Variants in RAB3C observed in about 807,000 individuals in gnomAD.
The protein encoded by RAB3C is ras-related protein Rab-3C.
RAB3C carries 17 observed loss-of-function variants against 26.4 expected under a neutral mutation model. That is an observed-to-expected ratio of 0.64 (90% CI 0.44 to 0.97). The LOEUF (loss-of-function observed/expected upper bound fraction) is 0.97, where lower values mean the gene tolerates loss of function less well. Ranked by LOEUF, RAB3C falls within the 50% of genes least tolerant of loss-of-function variation. The pLI, the probability that RAB3C is intolerant of heterozygous loss-of-function variation, is 0.00. For missense variants in RAB3C, 242 were observed against 281.9 expected (o/e 0.86, Z 1.01); for synonymous variants, 91 against 95.9 (o/e 0.95, Z 0.30).
chr5:58,717,413 C>G (rs917556142), intron 2 of RAB3C, among the ~76,000 whole-genome samples: 20 of 152,166 alleles, frequency 1.3e-4, no homozygotes, highest in Admixed American at 1.2e-3. Context: ...TCTTTCTTGG[C>G]TTCTTCAGTG....
At chr5:58,776,089 T>G (rs1050223049) in intron 3 of RAB3C, among the ~76,000 whole-genome samples, 2 of 152,116 alleles carry the variant, frequency 1.3e-5, no homozygotes, top group African/African-American at 4.8e-5. Flanking sequence ...TCCTTCCTGG[T>G]TCTCTCTGCA....
intron 3 of RAB3C, among the ~76,000 whole-genome samples, chr5:58,778,809 G>GT (rs1194804380): frequency 6.6e-6 from 1 of 152,034 alleles, no homozygotes; most frequent in African/African-American, 2.4e-5. Flanking sequence ...CATGTGCACT[G>GT]TATCTGACTG....
chr5:58,811,294 T>C (rs1323593312), intron 3 of RAB3C, among the ~76,000 whole-genome samples: 2 of 152,188 alleles, frequency 1.3e-5, no homozygotes, highest in Non-Finnish European at 2.9e-5. Context: ...ACAAAACCTC[T>C]TTGCTCTGGC....
chr5:58,685,156 A>G (rs1214845269), intron 2 of RAB3C, among the ~76,000 whole-genome samples: 1 of 152,190 alleles, frequency 6.6e-6, no homozygotes, highest in Non-Finnish European at 1.5e-5. Flanking sequence ...ATGACTGTCT[A>G]TATAGGGTTT....
At chr5:58,673,672 G>C (rs1256753028) in intron 2 of RAB3C, among the ~76,000 whole-genome samples, 1 of 152,178 alleles carries the variant, frequency 6.6e-6, no homozygotes, top group Non-Finnish European at 1.5e-5. Flanking sequence ...TGGTTGACGT[G>C]TGTGGTGTGA....
intron 1 of RAB3C, among the ~76,000 whole-genome samples, chr5:58,614,804 A>C (rs991797486): frequency 2.4e-4 from 36 of 152,234 alleles, no homozygotes; most frequent in African/African-American, 8.7e-4. Flanking sequence ...GTGTGGAGTG[A>C]ACTAATTGCA....
intron 2 of RAB3C, among the ~76,000 whole-genome samples, chr5:58,723,409 C>CA (rs1275101405): frequency 6.6e-6 from 1 of 151,794 alleles, no homozygotes; most frequent in African/African-American, 2.4e-5. Flanking sequence ...GTTGGCTTCA[C>CA]AAAAAATCAC....
At chr5:58,804,001 A>G (rs1742875265) in intron 3 of RAB3C, among the ~76,000 whole-genome samples, 1 of 151,908 alleles carries the variant, frequency 6.6e-6, no homozygotes. Context: ...CGGAGGTTGC[A>G]GTGAGCCGAG....
chr5:58,785,232 C>T (rs1742351808), intron 3 of RAB3C, among the ~76,000 whole-genome samples: 1 of 152,170 alleles, frequency 6.6e-6, no homozygotes, highest in Non-Finnish European at 1.5e-5. Flanking sequence ...ATTTTAAAAG[C>T]AACTGATGTG....
chr5:58,582,300 T>G, upstream of RAB3C: 7 of 575,980 alleles, frequency 1.2e-5, no homozygotes, highest in Non-Finnish European at 1.5e-5. Context: ...ACCCCTTCTA[T>G]TGTGTTGTGC....
intron 2 of RAB3C, among the ~76,000 whole-genome samples, chr5:58,636,664 G>A (rs1020300417): frequency 2.6e-5 from 4 of 152,100 alleles, no homozygotes; most frequent in Admixed American, 1.3e-4. Context: ...AACAAATAAA[G>A]AGGAACAAAA....
chr5:58,815,139 A>G (rs772879425), intron 3 of RAB3C, among the ~76,000 whole-genome samples: 5 of 152,148 alleles, frequency 3.3e-5, no homozygotes, highest in Non-Finnish European at 5.9e-5. Flanking sequence ...TCTACTTTAA[A>G]AGATAATCAA....
chr5:58,600,125 G>C (rs1292456210), intron 1 of RAB3C, among the ~76,000 whole-genome samples: 1 of 151,956 alleles, frequency 6.6e-6, no homozygotes, highest in Admixed American at 6.6e-5. Context: ...GTTTTTGTTT[G>C]CTTTGTCGAA....
rs200697627 is a variant in RAB3C at position 58,725,952 on chromosome 5, A to T, written c.253-50A>T. 70 of 1,109,144 alleles carry T rather than the reference A, an allele frequency of 6.3e-5. No homozygotes were observed. In the East Asian group the frequency reaches 1.8e-3, roughly 28 times the overall value. The allele number at this position is 1,109,144 out of a possible 1,614,324, so 68.7% of individuals were successfully genotyped here. A position where few individuals can be genotyped will look rare whatever the true frequency, so the allele number is the denominator to read the frequency against. On this transcript the variant is annotated intron_variant, in intron 2 of 4. Coordinates refer to ENST00000282878, the MANE Select transcript of RAB3C (RefSeq NM_138453.4). ...TTGGAATTATTAATCACTTCCCAAA[A>T]ATGTATTGCCTTATTTCTGAGAGAT...
intron 2 of RAB3C, among the ~76,000 whole-genome samples, chr5:58,633,948 C>T (rs565459118): frequency 7.3e-5 from 11 of 150,196 alleles, no homozygotes; most frequent in South Asian, 2.1e-4. Flanking sequence ...CTGGTTAACA[C>T]GGTGAAACCC....
chr5:58,600,303 A>T (rs1017074189), intron 1 of RAB3C, among the ~76,000 whole-genome samples: 1 of 152,002 alleles, frequency 6.6e-6, no homozygotes, highest in African/African-American at 2.4e-5. Flanking sequence ...TTTTTGCTTA[A>T]TCTTGCTTTG....
At chr5:58,675,624 T>TTTTTTTTTTTTTTTTTGGC (rs1347740171) in intron 2 of RAB3C, among the ~76,000 whole-genome samples, 141 of 150,706 alleles carry the variant, frequency 9.4e-4, no homozygotes, top group African/African-American at 3.2e-3. Context: ...TCTTTTTTTT[T>TTTTTTTTTTTTTTTTTGGC]TTTTTTTTTT....
intron 3 of RAB3C, among the ~76,000 whole-genome samples, chr5:58,743,833 A>G (rs1265129420): frequency 2.0e-5 from 3 of 152,214 alleles, no homozygotes; most frequent in South Asian, 2.1e-4. Context: ...TTTTGGTCAC[A>G]TATTATTGGA....
At chr5:58,597,674 T>C (rs1286183771) in intron 1 of RAB3C, among the ~76,000 whole-genome samples, 2 of 130,936 alleles carry the variant, frequency 1.5e-5, no homozygotes, top group African/African-American at 5.3e-5. Context: ...AAGTATATAA[T>C]ATAATATAGT....
Sources: allele counts gnomAD v4.1 joint callset (sites outside exome capture counted in the v4.1 genomes callset), GRCh38; gene constraint gnomAD v4.1.1; transcripts MANE v1.5; gene names NCBI Gene and HGNC (gene_info 2026-07-23, HGNC 2026-07-21).